The following SERPINB13 variants were observed in gnomAD, a reference collection of about 807,000 sequenced individuals.
The protein encoded by SERPINB13 is serpin family B member 13, also known as serpin B13.
In SERPINB13, 26 loss-of-function variants were observed where a neutral mutation model predicts 31.2. That is an observed-to-expected ratio of 0.83 (90% CI 0.61 to 1.15). The LOEUF (loss-of-function observed/expected upper bound fraction) is 1.15. Among genes scored for constraint, SERPINB13 ranks in the 50% most tolerant of loss-of-function variants. The pLI, the probability that SERPINB13 is intolerant of heterozygous loss-of-function variation, is 0.00. For missense variants in SERPINB13, 510 were observed against 469.4 expected (o/e 1.09, Z -0.80); for synonymous variants, 191 against 172.4 (o/e 1.11, Z -0.85).
At chr18:63,594,595 C>T in intron 6 of SERPINB13, 98 bp downstream of exon 6, 1 of 1,320,312 alleles carries the variant, frequency 7.6e-7, no homozygotes, top group Non-Finnish European at 1.0e-6. Flanking sequence ...AATCCCAGCA[C>T]TTTGGGAGGC....
At position 63,592,258 on chromosome 18, in the gene SERPINB13, GGA is replaced by G. The variant is rs1599447807; in HGVS notation, c.226-85_226-84del. 4.9e-6 allele frequency: 7 copies of G among 1,438,632 alleles called. No homozygotes were observed. The East Asian group carries it at 1.6e-4, about 34-fold the overall frequency. The allele number at this position is 1,438,632 out of a possible 1,614,324, so 89.1% of individuals were successfully genotyped here. A position where few individuals can be genotyped will look rare whatever the true frequency, so the allele number is the denominator to read the frequency against. On this transcript the variant is annotated intron_variant, in intron 3 of 7. Transcript: ENST00000344731. ...TCACCCTTGAGGCTGACAAACGGAG[GGA>G]GAGACCCAGCAGCCGCATCCTCTTA...
At chr18:63,588,873 A>C in intron 2 of SERPINB13, 41 bp downstream of exon 2, 1 of 1,521,818 alleles carries the variant, frequency 6.6e-7, no homozygotes, top group Non-Finnish European at 8.8e-7. Context: ...CCTATGCACA[A>C]ATTCATTTGG....
chr18:63,590,368 G>A (rs1192435623), intron 3 of SERPINB13, among the ~76,000 whole-genome samples: 2 of 152,170 alleles, frequency 1.3e-5, no homozygotes, highest in Non-Finnish European at 1.5e-5. Context: ...AGCACTCTCA[G>A]GAAGGGCACA....
At chr18:63,593,975 A>G in intron 5 of SERPINB13, 1 of 478,236 alleles carries the variant, frequency 2.1e-6, no homozygotes, top group Non-Finnish European at 4.3e-6. Flanking sequence ...GTGTTAAATC[A>G]TTTGTTCCTT....
chr18:63,588,681 G>T lies in SERPINB13; in HGVS notation c.14G>T (p.Gly5Val). 1 of 1,614,126 alleles carries T rather than the reference G, an allele frequency of 6.2e-7. No homozygotes were observed. The highest frequency in any genetic ancestry group is 1.1e-5 in the South Asian group (1 of 91,080). MDSL[G>V]AVSTRLGFDL... is the part of the protein sequence containing the mutation. ...GCTAAAATCATCATGGATTCACTTG[G>T]CGCCGTCAGCACTCGACTTGGGTTT... The change falls in exon 2 of 8, where the codon GGC becomes GTC. Residue 5 changes from glycine to valine, a missense_variant. Physicochemically the swap from Gly to Val is moderately radical, Grantham distance 109. Coordinates refer to ENST00000344731, the MANE Select transcript of SERPINB13 (RefSeq NM_012397.4).
At position 63,592,419 on chromosome 18, in the gene SERPINB13, T is replaced by G; in HGVS notation, c.297T>G (p.Asp99Glu). 1 of 1,613,852 alleles carries G rather than the reference T, an allele frequency of 6.2e-7. No homozygotes were observed. The highest frequency in any genetic ancestry group is 1.1e-5 in the South Asian group (1 of 90,990). Residue 99 changes from aspartate to glutamate, a missense_variant, in exon 4 of 8, where the codon GAT becomes GAG. By Grantham distance (45) the Asp-to-Glu change is conservative (BLOSUM62 2). Transcript: ENST00000344731. The part of the protein sequence containing the change: ...FLTEISKLTN[D>E]YELNITNRLF... ...CTGAAATAAGCAAACTCACTAATGATTATGAACTGAACATAACCAACAGGC... is the reference window on the plus strand; with the variant it reads ...CTGAAATAAGCAAACTCACTAATGAGTATGAACTGAACATAACCAACAGGC...
intron 5 of SERPINB13, chr18:63,593,879 C>T (rs567358993): frequency 1.3e-5 from 5 of 385,932 alleles, no homozygotes; most frequent in South Asian, 9.9e-5. Flanking sequence ...CCCTTAATCT[C>T]AGGTGGTAAC....
At chr18:63,588,330 AG>A (rs1184642545) in intron 1 of SERPINB13, among the ~76,000 whole-genome samples, 2 of 152,172 alleles carry the variant, frequency 1.3e-5, no homozygotes, top group African/African-American at 4.8e-5. Context: ...TTCCATGAAG[AG>A]GAGGCTGTGG....
chr18:63,588,627 T>C (rs1427598624), intron 1 of SERPINB13, 24 bp from the exon 2 acceptor site: 1 of 1,609,188 alleles, frequency 6.2e-7, no homozygotes, highest in South Asian at 1.1e-5. Flanking sequence ...TGTTCAGTTT[T>C]GATTGTTGTT....
chr18:63,596,474 G>A (rs1416324491), intron 7 of SERPINB13, among the ~76,000 whole-genome samples: 1 of 152,146 alleles, frequency 6.6e-6, no homozygotes, highest in Non-Finnish European at 1.5e-5. Context: ...CACAATGCCT[G>A]ATAAAGACTA....
At chr18:63,589,903 A>G (rs748823025) in intron 3 of SERPINB13, 188 bp downstream of exon 3, 58 of 1,171,854 alleles carry the variant, frequency 4.9e-5, no homozygotes, top group Non-Finnish European at 6.8e-5. Flanking sequence ...TACAATAATA[A>G]TAACCCCTTA....
chr18:63,598,708 T>C lies in SERPINB13; in HGVS notation c.*1345T>C, dbSNP rs1228865661. Reference sequence around the variant, plus strand: ...CACTTCTTGGCTGTTAGGAATAATGTTGCTCTGAACATGTAAATAAAGATC... The same window carrying C: ...CACTTCTTGGCTGTTAGGAATAATGCTGCTCTGAACATGTAAATAAAGATC... On this transcript the variant is annotated 3_prime_UTR_variant, in exon 8 of 8. Transcript: ENST00000344731. 2 of 152,232 alleles carry C rather than the reference T, an allele frequency of 1.3e-5. No homozygotes were observed. The highest frequency in any genetic ancestry group is 2.9e-5 in the Non-Finnish European group (2 of 68,020). The allele number at this position is 152,232 out of a possible 1,614,324, so 9.4% of individuals were successfully genotyped here. A position where few individuals can be genotyped will look rare whatever the true frequency, so the allele number is the denominator to read the frequency against.
At position 63,595,309 on chromosome 18, in the gene SERPINB13, A is replaced by G. The variant is rs921839921; in HGVS notation, c.771+125A>G. On this transcript the variant is annotated intron_variant, in intron 7 of 7. Transcript: ENST00000344731. Reference sequence around the variant, plus strand: ...GTGTTTCTCACTCTCCAGCAGCTACAGATGGATGTCTACTGGGGAGCATTA... The same window carrying G: ...GTGTTTCTCACTCTCCAGCAGCTACGGATGGATGTCTACTGGGGAGCATTA... 38 of 905,246 alleles carry G rather than the reference A, an allele frequency of 4.2e-5. No individual in the cohort carries two copies. In the Admixed American group the frequency reaches 9.4e-4, roughly 22 times the overall value. 56.1% of individuals were successfully genotyped at this position (905,246 alleles called of 1,614,324 possible). A position where few individuals can be genotyped will look rare whatever the true frequency, so the allele number is the denominator to read the frequency against.
chr18:63,589,559 C>A, intron 2 of SERPINB13, 97 bp from the exon 3 acceptor site: 1 of 1,459,792 alleles, frequency 6.9e-7, no homozygotes, highest in Non-Finnish European at 9.2e-7. Context: ...CATATACCAC[C>A]GAGGTTTCTT....
chr18:63,595,212 C>T (rs756848556), intron 7 of SERPINB13, 28 bp downstream of exon 7: 2 of 1,584,258 alleles, frequency 1.3e-6, no homozygotes, highest in African/African-American at 1.4e-5. Context: ...CTTATTCTTT[C>T]TTTCATTTCC....
chr18:63,596,882 T>A, intron 7 of SERPINB13, 77 bp from the exon 8 acceptor site: 2 of 1,191,928 alleles, frequency 1.7e-6, no homozygotes, highest in East Asian at 4.7e-5. Flanking sequence ...AACTTCTGAC[T>A]GACACAAATC....
At position 63,598,965 on chromosome 18, in the gene SERPINB13, C is replaced by T. The variant is rs1303190987; in HGVS notation, c.*1602C>T. The T allele has an allele frequency of 6.6e-6, 1 of 152,164 alleles. No individual in the cohort carries two copies. Among genetic ancestry groups the T allele is most frequent in the East Asian group, 1.9e-4 (1 of 5,202 alleles). The allele number at this position is 152,164 out of a possible 1,614,324, so 9.4% of individuals were successfully genotyped here. On this transcript the variant is annotated 3_prime_UTR_variant, in exon 8 of 8. Coordinates refer to ENST00000344731, the MANE Select transcript of SERPINB13 (RefSeq NM_012397.4). ...TTTTTGTAGGTACAAAGTGGCATCT[C>T]ATGGTGGTTTTAATTTGCATTTCCA...
chr18:63,593,186 T>C (rs990749846), intron 5 of SERPINB13, among the ~76,000 whole-genome samples: 1 of 152,016 alleles, frequency 6.6e-6, no homozygotes, highest in African/African-American at 2.4e-5. Context: ...GCACTGCAGA[T>C]GGTGGAGCAA....
rs1912230232 is a variant in SERPINB13, at chr18:63,597,194, T to C, written c.1007T>C (p.Val336Ala). 8.7e-6 allele frequency: 14 copies of C among 1,614,082 alleles called. No individual in the cohort carries two copies. Among genetic ancestry groups the C allele is most frequent in the Non-Finnish European group, 1.1e-5 (13 of 1,180,034 alleles). ...CAGAAGTTCCTGCACAGTTCCTTTG[T>C]GGCAGTAACTGAGGAAGGCACCGAG... is the stretch of plus-strand genomic sequence containing the variant. ...YAQKFLHSSF[V>A]AVTEEGTEAA... The change falls in exon 8 of 8, where the codon GTG becomes GCG. Residue 336 changes from valine (V) to alanine (A), a missense_variant. Val to Ala is a moderately conservative substitution (Grantham distance 64). Transcript: ENST00000344731.
Sources: gnomAD v4.1 joint callset for allele counts (sites outside exome capture counted in the v4.1 genomes callset) on GRCh38, gnomAD v4.1.1 for gene constraint, MANE v1.5 for transcripts, NCBI Gene and HGNC (gene_info 2026-07-23, HGNC 2026-07-21) for gene names.